Variants in LAMB3 observed in about 807,000 individuals in gnomAD.
LAMB3 encodes laminin subunit beta-3.
LAMB3 carries 104 observed loss-of-function variants against 140.3 expected under a neutral mutation model. The observed-to-expected ratio is 0.74, with a 90% CI of 0.63 to 0.87. LAMB3 has a LOEUF of 0.87. Ranked by LOEUF, LAMB3 falls within the 40% of genes least tolerant of loss-of-function variation. The probability of loss-of-function intolerance (pLI) is 0.00; values close to 1 mark genes in which losing one functional copy is unlikely to be tolerated. For synonymous variants in LAMB3, 592 were observed against 602.9 expected, an observed-to-expected ratio of 0.98 and a Z score of 0.26; for missense variants, 1,531 against 1,575.2, an observed-to-expected ratio of 0.97 and a Z score of 0.47.
In LAMB3 at chr1:209,623,991, G is replaced by C; in HGVS notation, c.1986C>G (p.Leu662=). The C allele has an allele frequency of 6.2e-7, 1 of 1,613,334 alleles. No homozygotes were observed. Among genetic ancestry groups the C allele is most frequent in the African/African-American group, 1.3e-5 (1 of 75,018 alleles). ...ASAILSLRRT[L]QGLQLDLPLE... The stretch of plus-strand genomic sequence containing the variant: ...GGGGCAGATCCAGCTGCAGGCCCTG[G>C]AGAGTTCGCCTGAGAAGGGAGAGGA... The change falls in exon 15 of 23, where the codon CTC becomes CTG. Residue 662 remains leucine, a synonymous_variant. Coordinates refer to ENST00000356082, the MANE Select transcript of LAMB3 (RefSeq NM_000228.3). This position sits in a 1 kb window ranked among gnomAD's most constrained non-coding sequence, Gnocchi z 4.2.
At chr1:209,620,384 T>A (rs2102409183) in intron 18 of LAMB3, among the ~76,000 whole-genome samples, 1 of 152,252 alleles carries the variant, frequency 6.6e-6, no homozygotes, top group African/African-American at 2.4e-5. Context: ...CCAGGGAGGC[T>A]GCCTGGAGAG....
At chr1:209,652,249 C>A (rs1172955559) in intron 1 of LAMB3, 120 bp downstream of exon 1, 2 of 152,284 alleles carry the variant, frequency 1.3e-5, no homozygotes, top group Non-Finnish European at 2.9e-5. Context: ...CCTAGCTCAC[C>A]TGAGTGAGCT....
chr1:209,626,787 G>A (rs996622397), intron 13 of LAMB3, 80 bp downstream of exon 13: 2 of 997,210 alleles, frequency 2.0e-6, no homozygotes, highest in Non-Finnish European at 3.1e-6. Flanking sequence ...CCCTGCTGCA[G>A]ACCTACACGC....
At chr1:209,618,104 A>T (rs1408544639) in intron 19 of LAMB3, 56 bp from the exon 20 acceptor site, 3 of 1,607,364 alleles carry the variant, frequency 1.9e-6, no homozygotes, top group East Asian at 2.2e-5. Context: ...CAGTGAATCA[A>T]TGTGTGGTTC....
At chr1:209,619,430 A>T (rs760834) in intron 18 of LAMB3, among the ~76,000 whole-genome samples, 30,843 of 152,134 alleles carry the variant, frequency 0.2, 3,272 homozygotes, top group African/African-American at 0.23. Flanking sequence ...GAGTGAATGA[A>T]TGATTGACAG....
intron 22 of LAMB3, among the ~76,000 whole-genome samples, chr1:209,616,101 T>C (rs949066853): frequency 8.5e-5 from 13 of 152,168 alleles, no homozygotes; most frequent in Non-Finnish European, 7.3e-5. Flanking sequence ...CATGTCTCTC[T>C]CAAATTATTT....
At chr1:209,635,515 G>C (rs1046821380) in intron 5 of LAMB3, among the ~76,000 whole-genome samples, 2 of 152,140 alleles carry the variant, frequency 1.3e-5, no homozygotes, top group African/African-American at 4.8e-5. Flanking sequence ...CGATTCTCAT[G>C]TCTCAGCCTC....
In LAMB3 at chr1:209,615,262, G is replaced by A. The variant is rs774249671; in HGVS notation, c.*9C>T. The stretch of plus-strand genomic sequence containing the variant: ...AGATGAGTGGGGCAACGGGCTGGAA[G>A]CTGTAGCATCACTTGCAGGTGGCAT... On this transcript the variant is annotated 3_prime_UTR_variant, in exon 23 of 23. Coordinates refer to ENST00000356082, the MANE Select transcript of LAMB3 (RefSeq NM_000228.3). 41 of 1,614,086 alleles carry A rather than the reference G, an allele frequency of 2.5e-5. No homozygotes were observed. Among genetic ancestry groups the A allele is most frequent in the African/African-American group, 5.3e-5 (4 of 75,052 alleles).
rs375668443 is a variant in LAMB3 at position 209,634,580 on chromosome 1, C to G, written c.431G>C (p.Arg144Pro). The change falls in exon 6 of 23, where the codon CGA becomes CCA. Residue 144 changes from arginine (R) to proline (P), a missense_variant. Physicochemically the swap from Arg to Pro is moderately radical, Grantham distance 103. Transcript: ENST00000356082. ...ERSSDFGKTW[R>P]VYQYLAADCT... ...GTCGGCAGCCAGGTACTGGTACACTCGCCAGGTCTTACCGAAGTCTGAGGA... is the reference window on the plus strand; with the variant it reads ...GTCGGCAGCCAGGTACTGGTACACTGGCCAGGTCTTACCGAAGTCTGAGGA... The G allele has an allele frequency of 6.2e-7, 1 of 1,614,096 alleles. No individual in the cohort carries two copies. The highest frequency in any genetic ancestry group is 1.7e-5 in the Admixed American group (1 of 60,026).
rs80091318 is a variant in LAMB3 at position 209,622,791 on chromosome 1, G to C, written c.2557-111C>G. The C allele has an allele frequency of 9.9e-4, 1,457 of 1,468,020 alleles. 22 individuals carry two copies. In the East Asian group the frequency reaches 0.031, roughly 32 times the overall value. The allele number at this position is 1,468,020 out of a possible 1,614,324, so 90.9% of individuals were successfully genotyped here. A position where few individuals can be genotyped will look rare whatever the true frequency, so the allele number is the denominator to read the frequency against. On this transcript the variant is annotated intron_variant, in intron 17 of 22. Coordinates refer to ENST00000356082, the MANE Select transcript of LAMB3 (RefSeq NM_000228.3). ...GCCAAGACCTACCTAGGAAGCATTTGTAACCAACCCAGCTTACATGTGGAT... is the reference window on the plus strand; with the variant it reads ...GCCAAGACCTACCTAGGAAGCATTTCTAACCAACCCAGCTTACATGTGGAT...
rs188120955 is a variant in LAMB3, at chr1:209,614,996, G to A, written c.*275C>T. ...TCCCCAGTGGAGAACTAAAGGCGGGGGATACTGCCCAGCCCAGCTTCCTTG... is the reference window on the plus strand; with the variant it reads ...TCCCCAGTGGAGAACTAAAGGCGGGAGATACTGCCCAGCCCAGCTTCCTTG... On this transcript the variant is annotated 3_prime_UTR_variant, in exon 23 of 23. Coordinates refer to ENST00000356082, the MANE Select transcript of LAMB3 (RefSeq NM_000228.3). 1.4e-4 allele frequency: 60 copies of A among 438,624 alleles called. No individual in the cohort carries two copies. Among genetic ancestry groups the A allele is most frequent in the Non-Finnish European group, 2.1e-4 (51 of 244,358 alleles). The allele number at this position is 438,624 out of a possible 1,614,324, so 27.2% of individuals were successfully genotyped here. A position where few individuals can be genotyped will look rare whatever the true frequency, so the allele number is the denominator to read the frequency against.
chr1:209,620,562 C>T (rs966043858), intron 18 of LAMB3, among the ~76,000 whole-genome samples: 1 of 152,184 alleles, frequency 6.6e-6, no homozygotes, highest in African/African-American at 2.4e-5. Flanking sequence ...GTGTCTATGC[C>T]GTAAAGCAAT....
At chr1:209,651,377 G>A (rs2076565638) in intron 1 of LAMB3, 1 of 224,210 alleles carries the variant, frequency 4.5e-6, no homozygotes, top group East Asian at 9.9e-5. Flanking sequence ...CAAGAGAGAG[G>A]GCTGGCTTTT....
intron 9 of LAMB3, 39 bp downstream of exon 9, chr1:209,630,576 C>A: frequency 6.2e-7 from 1 of 1,613,594 alleles, no homozygotes; most frequent in Non-Finnish European, 8.5e-7. Context: ...CAGCACTCGA[C>A]CCAGACCCTA....
Position 209,623,831 on chromosome 1 carries a change from T to C in LAMB3, c.2137+9A>G, listed in dbSNP as rs2102416141. ...ATGCCCGGGGTTATCCGGGTGCCCC[T>C]CTCCTCACCTGAAGGATCAGCACTG... On this transcript the variant is annotated intron_variant, in intron 15 of 22. Coordinates refer to ENST00000356082, the MANE Select transcript of LAMB3 (RefSeq NM_000228.3). This position sits in a 1 kb window ranked among gnomAD's most constrained non-coding sequence, Gnocchi z 4.2. The C allele has an allele frequency of 6.2e-7, 1 of 1,614,138 alleles. No individual in the cohort carries two copies.
At chr1:209,650,219 C>A in intron 2 of LAMB3, 101 bp from the exon 3 acceptor site, 1 of 1,199,410 alleles carries the variant, frequency 8.3e-7, no homozygotes, top group South Asian at 1.3e-5. Flanking sequence ...AAGATTATAT[C>A]CTTTCCCTCA....
intron 8 of LAMB3, 61 bp from the exon 9 acceptor site, chr1:209,630,796 C>T (rs917460968): frequency 1.9e-6 from 3 of 1,574,658 alleles, no homozygotes; most frequent in Non-Finnish European, 2.6e-6. Context: ...AGGGATGGAC[C>T]TGCCCACTGC....
At position 209,617,467 on chromosome 1, in the gene LAMB3, T is replaced by G. The variant is rs2102404865; in HGVS notation, c.3171A>C (p.Ala1057=). 6.2e-7 allele frequency: 1 copy of G among 1,613,668 alleles called. No individual in the cohort carries two copies. The change falls in exon 21 of 23, where the codon GCA becomes GCC. Residue 1057 remains alanine, a synonymous_variant. Transcript: ENST00000356082. ...RHQARQQGAE[A]VQAQQLAEGA... ...CTTCCGCAAGCTGCTGGGCCTGGAC[T>G]GCCTCTGCCCCCTGCTGCCGGGCTT...
intron 18 of LAMB3, among the ~76,000 whole-genome samples, chr1:209,619,541 TC>T (rs1044380487): frequency 2.0e-5 from 3 of 152,136 alleles, no homozygotes; most frequent in African/African-American, 7.2e-5. Context: ...GGAATATCAA[TC>T]CCCAATCTGA....
Sources: allele counts gnomAD v4.1 joint callset (sites outside exome capture counted in the v4.1 genomes callset), GRCh38; gene constraint gnomAD v4.1.1; non-coding constraint Gnocchi (gnomAD v3.1); transcripts MANE v1.5; gene names NCBI Gene and HGNC (gene_info 2026-07-23, HGNC 2026-07-21).